GIGYF2: variants seen among roughly 807,000 people sequenced by gnomAD.
GIGYF2 encodes the protein GRB10 interacting GYF protein 2, also known as GRB10-interacting GYF protein 2.
A neutral mutation model predicts 208.1 loss-of-function variants in GIGYF2; 25 were observed. The observed-to-expected ratio is 0.12, with a 90% CI of 0.09 to 0.17. GIGYF2 has a LOEUF of 0.17. Among genes scored for constraint, GIGYF2 ranks in the 10% least tolerant of loss-of-function variants. The pLI, the probability that GIGYF2 is intolerant of heterozygous loss-of-function variation, is 1.00. For missense variants in GIGYF2, 1,302 were observed against 1,579.4 expected (o/e 0.82, Z 2.98); for synonymous variants, 534 against 543.8 (o/e 0.98, Z 0.25).
At chr2:232,766,554 C>T (rs1023311119) in intron 8 of GIGYF2, 1 of 152,392 alleles carries the variant, frequency 6.6e-6, no homozygotes, top group Non-Finnish European at 1.5e-5. Context: ...TTATGTGTTA[C>T]AATAGTCTTG....
chr2:232,753,280 C>G (rs930169877), intron 5 of GIGYF2, among the ~76,000 whole-genome samples: 2 of 152,000 alleles, frequency 1.3e-5, no homozygotes, highest in East Asian at 3.9e-4. Flanking sequence ...CCCGCCACCA[C>G]GCCTGGCTAA....
At chr2:232,737,582 C>T (rs537834993) in intron 3 of GIGYF2, among the ~76,000 whole-genome samples, 2 of 152,190 alleles carry the variant, frequency 1.3e-5, no homozygotes, top group Admixed American at 1.3e-4. Flanking sequence ...TGGAAAGTTG[C>T]AGTAGGAGTA....
At chr2:232,841,797 T>A (rs147270225) in intron 23 of GIGYF2, among the ~76,000 whole-genome samples, 1 of 152,270 alleles carries the variant, frequency 6.6e-6, no homozygotes, top group East Asian at 1.9e-4. Flanking sequence ...ATCAGGACAC[T>A]CTCAGCTTGC....
At chr2:232,853,478 T>G (rs1038842438) in intron 28 of GIGYF2, among the ~76,000 whole-genome samples, 8 of 152,230 alleles carry the variant, frequency 5.3e-5, no homozygotes, top group African/African-American at 1.9e-4. Flanking sequence ...TTTCACCATG[T>G]TGGCCCGGAT....
chr2:232,759,941 G>C (rs556108538), intron 6 of GIGYF2, among the ~76,000 whole-genome samples: 1 of 152,204 alleles, frequency 6.6e-6, no homozygotes, highest in Non-Finnish European at 1.5e-5. Context: ...AGAGTAAACT[G>C]TACCTTTGGT....
intron 18 of GIGYF2, among the ~76,000 whole-genome samples, chr2:232,813,459 G>A (rs769007478): frequency 3.9e-5 from 6 of 152,072 alleles, no homozygotes; most frequent in Non-Finnish European, 8.8e-5. Flanking sequence ...CGCCCACCTT[G>A]GCCTCCCAAA....
At chr2:232,797,728 T>C (rs1387989989) in intron 14 of GIGYF2, among the ~76,000 whole-genome samples, 1 of 152,072 alleles carries the variant, frequency 6.6e-6, no homozygotes, top group Admixed American at 6.5e-5. Context: ...ATGCCTGTAA[T>C]CCCAGCATTT....
At chr2:232,797,013 C>T (rs1022857868) in intron 14 of GIGYF2, among the ~76,000 whole-genome samples, 1 of 151,886 alleles carries the variant, frequency 6.6e-6, no homozygotes, top group Non-Finnish European at 1.5e-5. Flanking sequence ...AGCCTACTCA[C>T]CTCTGTGTTT....
intron 2 of GIGYF2, chr2:232,729,512 C>T: frequency 7.9e-7 from 1 of 1,265,950 alleles, no homozygotes; most frequent in South Asian, 1.7e-5. Flanking sequence ...TGCCATGACC[C>T]AGGATGGATT....
chr2:232,748,833 A>G (rs1157277884), intron 4 of GIGYF2, among the ~76,000 whole-genome samples, 154 bp from the exon 5 acceptor site: 1 of 152,182 alleles, frequency 6.6e-6, no homozygotes, highest in Non-Finnish European at 1.5e-5. Flanking sequence ...ATGTATAAGG[A>G]CTATAGAAGT....
At chr2:232,831,192 C>T (rs1395500163) in intron 21 of GIGYF2, among the ~76,000 whole-genome samples, 1 of 152,180 alleles carries the variant, frequency 6.6e-6, no homozygotes, top group Non-Finnish European at 1.5e-5. Flanking sequence ...TACCTCCCCC[C>T]TTACTACTGT....
At chr2:232,729,711 C>T in intron 2 of GIGYF2, 3 of 758,568 alleles carry the variant, frequency 4.0e-6, no homozygotes, top group Non-Finnish European at 4.8e-6. Flanking sequence ...GCTTGAATGC[C>T]TCTGATGCAC....
intron 12 of GIGYF2, among the ~76,000 whole-genome samples, 162 bp from the exon 13 acceptor site, chr2:232,794,582 CTAGG>C (rs1376009744): frequency 4.6e-5 from 7 of 152,090 alleles, no homozygotes; most frequent in Admixed American, 2.6e-4. Flanking sequence ...TTTTGTCACT[CTAGG>C]AAGGAATATT....
chr2:232,782,832 C>CTT (rs1188786755), intron 8 of GIGYF2: 1 of 152,034 alleles, frequency 6.6e-6, no homozygotes, highest in Non-Finnish European at 1.5e-5. Flanking sequence ...ATATTTGGGG[C>CTT]TAGAAATTAG....
chr2:232,730,897 C>CA (rs34491260), intron 2 of GIGYF2, among the ~76,000 whole-genome samples: 5,522 of 51,294 alleles, frequency 0.11, 549 homozygotes, highest in Non-Finnish European at 0.13. Context: ...GACTCCGTCT[C>CA]AAAAAAAAAA....
At chr2:232,717,789 A>G (rs922707003) in intron 2 of GIGYF2, among the ~76,000 whole-genome samples, 1 of 151,904 alleles carries the variant, frequency 6.6e-6, no homozygotes, top group African/African-American at 2.4e-5. Flanking sequence ...TTTAACAACT[A>G]GCTCTCTTGG....
chr2:232,834,647 T>C (rs1239919098), intron 22 of GIGYF2, among the ~76,000 whole-genome samples: 1 of 152,176 alleles, frequency 6.6e-6, no homozygotes, highest in Non-Finnish European at 1.5e-5. Flanking sequence ...TTCCTTTCTC[T>C]CTCTCCTTCA....
At chr2:232,767,747 AG>A in intron 8 of GIGYF2, 1 of 171,792 alleles carries the variant, frequency 5.8e-6, no homozygotes, top group East Asian at 1.6e-4. Context: ...CAGCTCTTAA[AG>A]GATATTCACT....
intron 3 of GIGYF2, among the ~76,000 whole-genome samples, chr2:232,737,426 G>A (rs773645033): frequency 6.6e-6 from 1 of 152,142 alleles, no homozygotes; most frequent in Non-Finnish European, 1.5e-5. Flanking sequence ...TTAGAGCTTA[G>A]GAGCATTCCC....
Sources: gnomAD v4.1 joint callset for allele counts (sites outside exome capture counted in the v4.1 genomes callset) on GRCh38, gnomAD v4.1.1 for gene constraint, MANE v1.5 for transcripts, NCBI Gene and HGNC (gene_info 2026-07-23, HGNC 2026-07-21) for gene names.